Variants in ATG4C observed in about 807,000 individuals in gnomAD.
The protein encoded by ATG4C is cysteine protease ATG4C.
Under a neutral mutation model 57.6 loss-of-function variants are expected in ATG4C, and 56 were observed. That is an observed-to-expected ratio of 0.97 (90% CI 0.78 to 1.21). The LOEUF is 1.21. Ranked by LOEUF, ATG4C falls within the 50% of genes most tolerant of loss-of-function variation. The pLI, the probability that ATG4C is intolerant of heterozygous loss-of-function variation, is 0.00. For synonymous variants in ATG4C, 157 were observed against 174.1 expected, an observed-to-expected ratio of 0.90 and a Z score of 0.78; for missense variants, 595 against 529.8, an observed-to-expected ratio of 1.12 and a Z score of -1.21.
intron 1 of ATG4C, among the ~76,000 whole-genome samples, chr1:62,797,531 T>C (rs1664513883): frequency 6.6e-6 from 1 of 152,200 alleles, no homozygotes; most frequent in Non-Finnish European, 1.5e-5. Context: ...AATGTACATT[T>C]CTTAGGTCTA....
chr1:62,828,899 A>C (rs759208533), intron 6 of ATG4C, 141 bp from the exon 7 acceptor site: 2 of 696,756 alleles, frequency 2.9e-6, no homozygotes, highest in Non-Finnish European at 4.6e-6. Flanking sequence ...TGGTATTTTT[A>C]ACTTACTAAG....
intron 3 of ATG4C, among the ~76,000 whole-genome samples, chr1:62,814,158 C>T (rs561156580): frequency 3.0e-4 from 46 of 152,144 alleles, no homozygotes; most frequent in Non-Finnish European, 4.1e-4. Context: ...ATGTTTATTG[C>T]GGCACTATTC....
At chr1:62,791,646 AC>A (rs1198127220) in intron 1 of ATG4C, among the ~76,000 whole-genome samples, 1 of 152,150 alleles carries the variant, frequency 6.6e-6, no homozygotes, top group Non-Finnish European at 1.5e-5. Context: ...TTGTAAAGCC[AC>A]CAGTTCCACT....
chr1:62,827,255 T>G (rs1457888465), intron 6 of ATG4C, among the ~76,000 whole-genome samples: 1 of 152,210 alleles, frequency 6.6e-6, no homozygotes, highest in Non-Finnish European at 1.5e-5. Context: ...GTACCCCTTG[T>G]TTACTTCCCT....
intron 6 of ATG4C, among the ~76,000 whole-genome samples, chr1:62,828,799 TC>T (rs1459038184): frequency 2.0e-5 from 3 of 152,162 alleles, no homozygotes; most frequent in African/African-American, 7.2e-5. Flanking sequence ...TACATTTAAG[TC>T]TTTAATCCAT....
chr1:62,838,745 A>C (rs1572153896), intron 9 of ATG4C, among the ~76,000 whole-genome samples: 1 of 151,462 alleles, frequency 6.6e-6, no homozygotes, highest in Non-Finnish European at 1.5e-5. Flanking sequence ...GCACCACTGC[A>C]CTCCAGCCTG....
chr1:62,807,760 T>C (rs1664928807), intron 3 of ATG4C, among the ~76,000 whole-genome samples: 1 of 152,218 alleles, frequency 6.6e-6, no homozygotes, highest in African/African-American at 2.4e-5. Context: ...AATGGCGAAA[T>C]ATAACCAAGT....
At chr1:62,861,606 C>G (rs1231135045) in intron 10 of ATG4C, among the ~76,000 whole-genome samples, 3 of 120,916 alleles carry the variant, frequency 2.5e-5, no homozygotes, top group Non-Finnish European at 3.7e-5. Context: ...CACACACACA[C>G]ACACACACAC....
chr1:62,858,527 G>A (rs1259882835), intron 10 of ATG4C, among the ~76,000 whole-genome samples: 1 of 152,140 alleles, frequency 6.6e-6, no homozygotes, highest in Non-Finnish European at 1.5e-5. Context: ...AGTGAATGTA[G>A]ACAGAAGATA....
intron 9 of ATG4C, chr1:62,835,332 T>G (rs536260176): frequency 3.3e-6 from 1 of 307,376 alleles, no homozygotes; most frequent in African/African-American, 2.3e-5. Context: ...CTTAGTTGGG[T>G]TTCTAATTTT....
intron 9 of ATG4C, 110 bp downstream of exon 9, chr1:62,834,962 A>G: frequency 1.2e-6 from 1 of 840,800 alleles, no homozygotes; most frequent in South Asian, 1.8e-5. Flanking sequence ...ACTGGTTAAT[A>G]ATCAATATTT....
At chr1:62,816,982 G>C (rs1349348260) in intron 4 of ATG4C, among the ~76,000 whole-genome samples, 174 bp downstream of exon 4, 1 of 152,058 alleles carries the variant, frequency 6.6e-6, no homozygotes, top group Admixed American at 6.6e-5. Flanking sequence ...TTTGAACTGG[G>C]TCAGATATGA....
At chr1:62,811,417 C>T (rs1665079982) in intron 3 of ATG4C, among the ~76,000 whole-genome samples, 1 of 152,178 alleles carries the variant, frequency 6.6e-6, no homozygotes, top group African/African-American at 2.4e-5. Context: ...GTGCTGTGCA[C>T]TGTTATGTCG....
intron 10 of ATG4C, among the ~76,000 whole-genome samples, chr1:62,856,901 CAT>C (rs769311097): frequency 1.3e-5 from 2 of 152,128 alleles, no homozygotes; most frequent in East Asian, 1.9e-4. Context: ...AAACCCAAAT[CAT>C]GTGTTAATTT....
At chr1:62,854,508 A>AC (rs1472839720) in intron 10 of ATG4C, among the ~76,000 whole-genome samples, 4 of 151,790 alleles carry the variant, frequency 2.6e-5, no homozygotes, top group Admixed American at 6.6e-5. Flanking sequence ...CGATCTCCTG[A>AC]CCTTGTGATC....
chr1:62,805,254 A>C lies in ATG4C; in HGVS notation c.159A>C (p.Glu53Asp). The C allele has an allele frequency of 1.3e-6, 2 of 1,510,140 alleles. No homozygotes were observed. The highest frequency in any genetic ancestry group is 1.8e-6 in the Non-Finnish European group (2 of 1,140,904). The allele number at this position is 1,510,140 out of a possible 1,614,324, so 93.5% of individuals were successfully genotyped here. A position where few individuals can be genotyped will look rare whatever the true frequency, so the allele number is the denominator to read the frequency against. ...GAAAATGTTACCATTTTAAATATGA[A>C]GGTAAGTACAAAATTTGTAAACCAT... is the stretch of plus-strand genomic sequence containing the variant. ...LLGKCYHFKYEDEDKTLPAES... is the reference protein window; with the variant it reads ...LLGKCYHFKYDDEDKTLPAES... The change falls in exon 3 of 11, where the codon GAA becomes GAC. Residue 53 changes from glutamate to aspartate, a missense_variant and splice_region_variant. Coordinates refer to ENST00000317868, the MANE Select transcript of ATG4C (RefSeq NM_032852.4).
At chr1:62,834,963 A>G in intron 9 of ATG4C, 111 bp downstream of exon 9, 1 of 838,078 alleles carries the variant, frequency 1.2e-6, no homozygotes, top group East Asian at 2.7e-5. Flanking sequence ...CTGGTTAATA[A>G]TCAATATTTT....
chr1:62,861,330 G>A (rs938710878), intron 10 of ATG4C, among the ~76,000 whole-genome samples: 5 of 152,122 alleles, frequency 3.3e-5, no homozygotes, highest in African/African-American at 1.2e-4. Context: ...CAGATCACTT[G>A]AGTTCAGGAG....
At chr1:62,851,039 TAGA>T (rs1666508335) in intron 10 of ATG4C, among the ~76,000 whole-genome samples, 1 of 151,378 alleles carries the variant, frequency 6.6e-6, no homozygotes, top group Non-Finnish European at 1.5e-5. Flanking sequence ...TATCACATTG[TAGA>T]AGGTCAGTAA....
Sources: allele counts gnomAD v4.1 joint callset (sites outside exome capture counted in the v4.1 genomes callset), GRCh38; gene constraint gnomAD v4.1.1; transcripts MANE v1.5; gene names NCBI Gene and HGNC (gene_info 2026-07-23, HGNC 2026-07-21).